Variants in MAP2K4 observed in about 807,000 individuals in gnomAD.
MAP2K4 encodes dual specificity mitogen-activated protein kinase kinase 4.
A neutral mutation model predicts 48.5 loss-of-function variants in MAP2K4; 4 were observed. The ratio of observed to expected loss-of-function variants is 0.08; its 90% CI spans 0.04 to 0.19. MAP2K4 has a LOEUF of 0.19. Ranked by LOEUF, MAP2K4 falls within the 10% of genes least tolerant of loss-of-function variation. The pLI is 1.00. For synonymous variants in MAP2K4, 166 were observed against 173.1 expected, an observed-to-expected ratio of 0.96 and a Z score of 0.32; for missense variants, 258 against 493.3, an observed-to-expected ratio of 0.52 and a Z score of 4.52.
chr17:12,034,328 A>G (rs1270013176), intron 1 of MAP2K4, among the ~76,000 whole-genome samples: 1 of 152,182 alleles, frequency 6.6e-6, no homozygotes, highest in Admixed American at 6.5e-5. Flanking sequence ...AGAATTTAAC[A>G]ATGGAGGCTG....
At chr17:12,080,919 G>C (rs769389779) in intron 2 of MAP2K4, among the ~76,000 whole-genome samples, 4 of 152,200 alleles carry the variant, frequency 2.6e-5, no homozygotes, top group Non-Finnish European at 5.9e-5. Context: ...ACTGAAGATT[G>C]AGGCACTGGA....
chr17:12,135,963 TA>T (rs1443577203), intron 9 of MAP2K4, among the ~76,000 whole-genome samples: 2 of 152,198 alleles, frequency 1.3e-5, no homozygotes, highest in Non-Finnish European at 2.9e-5. Context: ...AGAGTCAAAG[TA>T]AATTAAAGGA....
In MAP2K4 at chr17:12,021,013, G is replaced by A. The variant is rs1312839044; in HGVS notation, c.115+12G>A. On this transcript the variant is annotated intron_variant, in intron 1 of 10. Coordinates refer to ENST00000353533, the MANE Select transcript of MAP2K4 (RefSeq NM_003010.4). ...CAGCAGCATGCAGGGTAAGGAACGC[G>A]GCCGCGCCGAGATCCCAGCCCCCTA... is the stretch of plus-strand genomic sequence containing the variant. The A allele has an allele frequency of 4.2e-6, 5 of 1,203,516 alleles. No homozygotes were observed. The African/African-American group carries it at 6.3e-5, about 15-fold the overall frequency. The allele number at this position is 1,203,516 out of a possible 1,614,324, so 74.6% of individuals were successfully genotyped here.
At chr17:12,112,101 A>G (rs547704787) in intron 6 of MAP2K4, among the ~76,000 whole-genome samples, 1 of 152,262 alleles carries the variant, frequency 6.6e-6, no homozygotes, top group African/African-American at 2.4e-5. Flanking sequence ...ATACCAGCCA[A>G]CAGCCAGGTT....
At chr17:12,044,966 T>TA (rs1279365390) in intron 1 of MAP2K4, among the ~76,000 whole-genome samples, 1 of 152,236 alleles carries the variant, frequency 6.6e-6, no homozygotes, top group Non-Finnish European at 1.5e-5. Flanking sequence ...TCCAAGAATT[T>TA]AAGGAGTTGT....
chr17:12,038,593 T>G (rs1284050149), intron 1 of MAP2K4, among the ~76,000 whole-genome samples: 1 of 152,188 alleles, frequency 6.6e-6, no homozygotes, highest in African/African-American at 2.4e-5. Context: ...TAGAGCCTAC[T>G]CTGAAGAAGT....
intron 3 of MAP2K4, among the ~76,000 whole-genome samples, chr17:12,088,379 G>A (rs564913478): frequency 2.8e-4 from 40 of 143,092 alleles, no homozygotes; most frequent in African/African-American, 9.4e-4. Flanking sequence ...AACTGGATGC[G>A]TTTTCAAAAT....
intron 3 of MAP2K4, chr17:12,082,142 T>TAA (rs939187251): frequency 6.0e-4 from 127 of 213,318 alleles, no homozygotes; most frequent in South Asian, 1.5e-3. Context: ...ATATGTTCAT[T>TAA]AAAAAAAAAA....
chr17:12,058,255 G>T (rs1970346135), intron 2 of MAP2K4, among the ~76,000 whole-genome samples: 2 of 149,906 alleles, frequency 1.3e-5, no homozygotes, highest in Admixed American at 6.6e-5. Flanking sequence ...TTAAGTGGCA[G>T]GGTCTCACTA....
chr17:12,105,492 A>G (rs1972078823), intron 4 of MAP2K4, among the ~76,000 whole-genome samples: 1 of 152,118 alleles, frequency 6.6e-6, no homozygotes, highest in South Asian at 2.1e-4. Context: ...GATCTTTAGG[A>G]ACCCTTCCTT....
intron 2 of MAP2K4, among the ~76,000 whole-genome samples, chr17:12,068,574 G>A (rs1451137610): frequency 6.6e-6 from 1 of 152,144 alleles, no homozygotes; most frequent in Non-Finnish European, 1.5e-5. Context: ...GGTGTTCATA[G>A]TGACTTGTAG....
chr17:12,114,611 T>C (rs545823418), intron 7 of MAP2K4, among the ~76,000 whole-genome samples: 3 of 152,302 alleles, frequency 2.0e-5, no homozygotes, highest in East Asian at 3.9e-4. Context: ...GATTTACATA[T>C]TTATTAAGGA....
chr17:12,101,533 A>C (rs1313092003), intron 4 of MAP2K4, among the ~76,000 whole-genome samples: 3 of 152,044 alleles, frequency 2.0e-5, no homozygotes, highest in Non-Finnish European at 1.5e-5. Context: ...GATTTCTACC[A>C]AAAAACCCGA....
intron 1 of MAP2K4, among the ~76,000 whole-genome samples, chr17:12,052,827 C>T (rs939083092): frequency 7.2e-5 from 11 of 152,060 alleles, no homozygotes; most frequent in Non-Finnish European, 4.4e-5. Context: ...GTTCAAGTTC[C>T]AGAGATTAGG....
intron 2 of MAP2K4, among the ~76,000 whole-genome samples, chr17:12,055,700 G>A (rs1350376758): frequency 6.6e-6 from 1 of 151,904 alleles, no homozygotes. Context: ...TCCCAAAGAG[G>A]CACTTTTATT....
At chr17:12,096,252 G>A (rs1971753370) in intron 4 of MAP2K4, among the ~76,000 whole-genome samples, 1 of 152,112 alleles carries the variant, frequency 6.6e-6, no homozygotes, top group African/African-American at 2.4e-5. Flanking sequence ...CTCTTATCCA[G>A]ATTTTTGTGT....
At chr17:12,121,444 A>AT (rs1469493564) in intron 7 of MAP2K4, among the ~76,000 whole-genome samples, 27 of 152,222 alleles carry the variant, frequency 1.8e-4, no homozygotes, top group African/African-American at 6.0e-4. Flanking sequence ...CCAGGGTCAC[A>AT]TTAAGATTCC....
intron 2 of MAP2K4, among the ~76,000 whole-genome samples, chr17:12,060,754 T>TGC (rs1970425678): frequency 2.0e-5 from 3 of 151,562 alleles, no homozygotes; most frequent in South Asian, 2.1e-4. Flanking sequence ...TGTGCGCGCG[T>TGC]GTGTGTGTGT....
chr17:12,095,526 T>C (rs778221353), intron 3 of MAP2K4, 49 bp from the exon 4 acceptor site: 2 of 1,610,106 alleles, frequency 1.2e-6, no homozygotes, highest in Admixed American at 3.4e-5. Flanking sequence ...ATTGGTGTTT[T>C]TGACAAAATT....
Sources: allele counts gnomAD v4.1 joint callset (sites outside exome capture counted in the v4.1 genomes callset), GRCh38; gene constraint gnomAD v4.1.1; transcripts MANE v1.5; gene names NCBI Gene and HGNC (gene_info 2026-07-23, HGNC 2026-07-21).